The following NTRK2 variants were observed in gnomAD, a reference collection of about 807,000 sequenced individuals.
NTRK2 encodes the protein neurotrophic receptor tyrosine kinase 2, also known as BDNF/NT-3 growth factors receptor.
NTRK2 carries 13 observed loss-of-function variants against 94.5 expected under a neutral mutation model. The observed-to-expected ratio is 0.14, with a 90% CI of 0.09 to 0.22. The LOEUF (loss-of-function observed/expected upper bound fraction) is 0.22. Among genes scored for constraint, NTRK2 ranks in the 10% least tolerant of loss-of-function variants. The pLI is 1.00. For synonymous variants in NTRK2, 372 were observed against 407.4 expected (o/e 0.91, Z 1.05); for missense variants, 639 against 1,071.2 (o/e 0.60, Z 5.63).
chr9:84,691,312 A>G (rs530349441), intron 2 of NTRK2, among the ~76,000 whole-genome samples: 1 of 152,310 alleles, frequency 6.6e-6, no homozygotes, highest in East Asian at 1.9e-4. Context: ...AGGAAGTGAC[A>G]AGGACATCAA....
rs1832972862 is a variant in NTRK2, at chr9:85,025,120, A to G, written c.*3683A>G. The G allele has an allele frequency of 4.3e-6, 1 of 233,068 alleles. No homozygotes were observed. Among genetic ancestry groups the G allele is most frequent in the Non-Finnish European group, 8.5e-6 (1 of 117,970 alleles). 14.4% of individuals were successfully genotyped at this position (233,068 alleles called of 1,614,324 possible). On this transcript the variant is annotated 3_prime_UTR_variant, in exon 19 of 19. Transcript: ENST00000277120. ...CCATACTCCACGTGGGTAGGACTAC[A>G]TCACACTTTTCAACTCTGTGCAGTA...
At chr9:84,679,922 T>C (rs1400408540) in intron 2 of NTRK2, among the ~76,000 whole-genome samples, 3 of 152,164 alleles carry the variant, frequency 2.0e-5, no homozygotes, top group Non-Finnish European at 4.4e-5. Context: ...TTTATTTTTT[T>C]CCCTGGGAGT....
In NTRK2 at chr9:84,891,173, G is replaced by T. The variant is rs150365738; in HGVS notation, c.1633+23742G>T. Among the ~76,000 whole-genome samples the T allele has an allele frequency of 5.9e-5, 9 of 152,120 alleles. 1 individual carries two copies. The highest frequency in any genetic ancestry group is 2.2e-4 in the African/African-American group (9 of 41,446). ...ATTCGGCTGGAATTGTCAGCCAAGG[G>T]CCCCAGTTCTCATGGATGCTTGTGC... is the stretch of plus-strand genomic sequence containing the variant. On this transcript the variant is annotated intron_variant, in intron 14 of 18. Coordinates refer to ENST00000277120, the MANE Select transcript of NTRK2 (RefSeq NM_006180.6).
chr9:84,856,509 G>C (rs2075071084), intron 12 of NTRK2, among the ~76,000 whole-genome samples: 2 of 152,156 alleles, frequency 1.3e-5, no homozygotes, highest in East Asian at 3.9e-4. Context: ...CCAATGAGCA[G>C]TCATTCTAGA....
chr9:84,872,982 C>G (rs779341688), intron 14 of NTRK2: 7 of 1,064,382 alleles, frequency 6.6e-6, no homozygotes, highest in Non-Finnish European at 8.0e-6. Flanking sequence ...AGGTTTTGAA[C>G]ATATTTGCAA....
intron 2 of NTRK2, among the ~76,000 whole-genome samples, chr9:84,695,074 AC>A (rs200925891): frequency 3.0e-3 from 101 of 34,194 alleles, no homozygotes; most frequent in African/African-American, 5.0e-3. Flanking sequence ...AAAAAAAAAA[AC>A]ACACAACAAA....
intron 12 of NTRK2, among the ~76,000 whole-genome samples, chr9:84,807,552 C>T (rs930196044): frequency 3.3e-5 from 5 of 152,158 alleles, no homozygotes; most frequent in East Asian, 1.9e-4. Context: ...CATGCACCAT[C>T]GGAATGCTAC....
chr9:84,982,363 C>T (rs769355497), intron 17 of NTRK2, among the ~76,000 whole-genome samples: 1 of 152,180 alleles, frequency 6.6e-6, no homozygotes, highest in African/African-American at 2.4e-5. Flanking sequence ...AATGAAGAAA[C>T]AGATCTATCT....
At chr9:84,984,155 A>G (rs1827999550) in intron 17 of NTRK2, among the ~76,000 whole-genome samples, 1 of 152,134 alleles carries the variant, frequency 6.6e-6, no homozygotes, top group Non-Finnish European at 1.5e-5. Context: ...GGCCTGAGTA[A>G]GAGTCGCCTG....
intron 12 of NTRK2, among the ~76,000 whole-genome samples, chr9:84,779,948 C>T (rs2067403514): frequency 6.6e-6 from 1 of 152,102 alleles, no homozygotes. Flanking sequence ...CCAACACGTC[C>T]AGCATTAACA....
intron 17 of NTRK2, among the ~76,000 whole-genome samples, chr9:85,015,391 G>A (rs1042579901): frequency 2.0e-5 from 3 of 152,190 alleles, no homozygotes; most frequent in African/African-American, 4.8e-5. Context: ...TCAAACAGAT[G>A]AGACTGTTTC....
rs1226874845 is a variant in NTRK2, at chr9:84,727,669, C to T, written c.869C>T (p.Thr290Ile). The T allele has an allele frequency of 6.2e-7, 1 of 1,612,428 alleles. No homozygotes were observed. The highest frequency in any genetic ancestry group is 8.5e-7 in the Non-Finnish European group (1 of 1,179,932). ...TTCAATTTAGTTGCACCAACTATCA[C>T]ATTTCTCGAATCTCCAACCTCAGAC... The part of the protein sequence containing the change: ...NLTVHFAPTI[T>I]FLESPTSDHH... The change falls in exon 9 of 19, where the codon ACA becomes ATA. Residue 290 changes from threonine (T) to isoleucine (I), a missense_variant. By Grantham distance (89) the Thr-to-Ile change is moderately conservative (BLOSUM62 -1). Around this residue, in one of 5 missense-constraint regions of NTRK2, gnomAD observed 343 missense variants for 571.5 expected, o/e 0.60. Transcript: ENST00000277120.
intron 14 of NTRK2, chr9:84,872,030 T>C: frequency 6.9e-7 from 1 of 1,452,348 alleles, no homozygotes; most frequent in Non-Finnish European, 9.1e-7. Flanking sequence ...CTCAAAGTAC[T>C]ATGCCACTTT....
At chr9:84,777,404 C>T (rs2067154378) in intron 12 of NTRK2, among the ~76,000 whole-genome samples, 1 of 152,132 alleles carries the variant, frequency 6.6e-6, no homozygotes, top group East Asian at 1.9e-4. Context: ...CTTGTTGTCC[C>T]TAAATGGGTT....
At chr9:84,899,479 G>C (rs1450501509) in intron 14 of NTRK2, among the ~76,000 whole-genome samples, 1 of 152,096 alleles carries the variant, frequency 6.6e-6, no homozygotes, top group Non-Finnish European at 1.5e-5. Context: ...TCTCTGGAAA[G>C]TCAGGAGGGC....
intron 12 of NTRK2, among the ~76,000 whole-genome samples, chr9:84,775,730 T>C (rs1265080605): frequency 6.6e-6 from 1 of 152,196 alleles, no homozygotes; most frequent in Non-Finnish European, 1.5e-5. Context: ...AGAGTGACAA[T>C]ATGTATACAG....
chr9:85,018,379 C>A (rs1040630934), intron 17 of NTRK2, among the ~76,000 whole-genome samples: 2 of 152,184 alleles, frequency 1.3e-5, no homozygotes, highest in Non-Finnish European at 2.9e-5. Flanking sequence ...TGCCAAAGTG[C>A]CCAGCCTTTT....
chr9:84,704,395 A>G (rs888303901), intron 4 of NTRK2, among the ~76,000 whole-genome samples: 73 of 145,534 alleles, frequency 5.0e-4, no homozygotes, highest in South Asian at 6.7e-4. Flanking sequence ...CGCCAGGCTA[A>G]TTTTTTTTTT....
intron 11 of NTRK2, among the ~76,000 whole-genome samples, chr9:84,750,887 T>C (rs1258715734): frequency 6.6e-6 from 1 of 152,222 alleles, no homozygotes; most frequent in Non-Finnish European, 1.5e-5. Context: ...TCAGCAGCAA[T>C]GGTAGCAGAG....
Sources: gnomAD v4.1 joint callset for allele counts (sites outside exome capture counted in the v4.1 genomes callset) on GRCh38, gnomAD v4.1.1 for gene constraint, gnomAD v4.1.1 regional missense constraint, MANE v1.5 for transcripts, NCBI Gene and HGNC (gene_info 2026-07-23, HGNC 2026-07-21) for gene names.